The following IL10RB variants were observed in gnomAD, a reference collection of about 807,000 sequenced individuals.
IL10RB encodes interleukin 10 receptor subunit beta.
A neutral mutation model predicts 38.7 loss-of-function variants in IL10RB; 30 were observed. The ratio of observed to expected loss-of-function variants is 0.78; its 90% CI spans 0.58 to 1.05. The LOEUF (loss-of-function observed/expected upper bound fraction) is 1.05, where lower values mean the gene tolerates loss of function less well. Ranked by LOEUF, IL10RB falls within the 50% of genes least tolerant of loss-of-function variation. IL10RB has a pLI of 0.00. For missense variants in IL10RB, 328 were observed against 397.1 expected, an observed-to-expected ratio of 0.83 and a Z score of 1.48; for synonymous variants, 142 against 145.9, an observed-to-expected ratio of 0.97 and a Z score of 0.19.
intron 6 of IL10RB, among the ~76,000 whole-genome samples, chr21:33,291,137 C>T (rs8178539): frequency 3.3e-5 from 5 of 152,198 alleles, no homozygotes; most frequent in African/African-American, 1.2e-4. Context: ...CTCCTTTATA[C>T]AGACACCAGT....
intron 1 of IL10RB, 50 bp from the exon 2 acceptor site, chr21:33,268,344 C>T: frequency 3.1e-6 from 5 of 1,613,094 alleles, no homozygotes; most frequent in Non-Finnish European, 4.2e-6. Flanking sequence ...TTTTCATGGG[C>T]ATCTGTTTTG....
downstream of IL10RB, among the ~76,000 whole-genome samples, chr21:33,299,662 G>T (rs758966785): frequency 2.6e-5 from 4 of 152,164 alleles, no homozygotes; most frequent in Non-Finnish European, 4.4e-5. Flanking sequence ...CACTGTGGCC[G>T]CCAGGAGAGC....
chr21:33,302,752 C>T (rs1207159977), intron 1 of IL10RB, among the ~76,000 whole-genome samples: 1 of 151,990 alleles, frequency 6.6e-6, no homozygotes, highest in African/African-American at 2.4e-5. Flanking sequence ...AGAAGAAAGT[C>T]GAGGGGGGGA....
intron 5 of IL10RB, among the ~76,000 whole-genome samples, chr21:33,285,376 G>A (rs28385662): frequency 0.021 from 3,163 of 152,294 alleles, 50 homozygotes; most frequent in Non-Finnish European, 0.034. Flanking sequence ...CTGAGGCACC[G>A]TGTCCTTGTG....
chr21:33,298,166 A>G (rs8178571), downstream of IL10RB, among the ~76,000 whole-genome samples: 8,651 of 152,236 alleles, frequency 0.057, 854 homozygotes, highest in African/African-American at 0.2. Context: ...TTTAAATGTT[A>G]ATCTCATCTT....
chr21:33,298,343 G>C (rs117206980), downstream of IL10RB, among the ~76,000 whole-genome samples: 1,000 of 152,210 alleles, frequency 6.6e-3, 4 homozygotes, highest in Non-Finnish European at 9.3e-3. Flanking sequence ...GCCGGGTGTG[G>C]TGGCTCACAT....
chr21:33,298,059 C>T (rs1397123775), downstream of IL10RB, among the ~76,000 whole-genome samples: 4 of 152,164 alleles, frequency 2.6e-5, no homozygotes, highest in Admixed American at 6.5e-5. Flanking sequence ...CTCAAGGGAC[C>T]TCAGGCTTCT....
rs760719286 is a variant in IL10RB at position 33,296,237 on chromosome 21, G to A, written c.858G>A (p.Ser286=). 11 of 1,613,770 alleles carry A rather than the reference G, an allele frequency of 6.8e-6. No individual in the cohort carries two copies. The Middle Eastern group carries it at 4.9e-4, about 72-fold the overall frequency. Residue 286 remains serine, a synonymous_variant, in exon 7 of 7, where the codon TCG becomes TCA. Coordinates refer to ENST00000290200, the MANE Select transcript of IL10RB (RefSeq NM_000628.5). ...TTCTGTTTTTCTCCTTTCCATTGTC[G>A]GATGAGAATGATGTTTTTGACAAGC... ...NTLLFFSFPL[S]DENDVFDKLS...
At position 33,284,313 on chromosome 21, in the gene IL10RB, GA is replaced by G. The variant is rs1275580789; in HGVS notation, c.646+1076del. ...CCCTGCCTCAAAAAAAAAAAAAAAA[GA>G]AAAGAAAACATTTCAAATAGCTTGC... On this transcript the variant is annotated intron_variant, in intron 5 of 6. Coordinates refer to ENST00000290200, the MANE Select transcript of IL10RB (RefSeq NM_000628.5). Among the ~76,000 whole-genome samples, 55 of 78,804 alleles carry G rather than the reference GA, an allele frequency of 7.0e-4. 1 individual carries two copies. The highest frequency in any genetic ancestry group is 2.4e-4 in the Non-Finnish European group (8 of 33,062). 51.7% of individuals were successfully genotyped at this position (78,804 alleles called of 152,430 possible).
At chr21:33,276,147 G>A (rs1989166126) in intron 2 of IL10RB, among the ~76,000 whole-genome samples, 1 of 152,122 alleles carries the variant, frequency 6.6e-6, no homozygotes, top group Non-Finnish European at 1.5e-5. Context: ...AATGAGGTAT[G>A]TCTACATCTA....
intron 1 of IL10RB, among the ~76,000 whole-genome samples, chr21:33,305,400 T>C (rs1231238167): frequency 1.3e-5 from 2 of 151,928 alleles, no homozygotes; most frequent in Non-Finnish European, 2.9e-5. Flanking sequence ...ATGAGCCCCA[T>C]GCCCGGCCCT....
intron 2 of IL10RB, among the ~76,000 whole-genome samples, chr21:33,271,586 G>A (rs1989081607): frequency 6.6e-6 from 1 of 151,798 alleles, no homozygotes; most frequent in Admixed American, 6.6e-5. Context: ...AAATTAGCCG[G>A]GTATGGTGGT....
In IL10RB at chr21:33,296,201, TCATAACA is replaced by T. The variant is rs2082965085; in HGVS notation, c.825_831del (p.Asn276PhefsTer18). ...CTCCACAGTTTTTGGGCCATCCTCA[TCATAACA>T]CACTTCTGTTTTTCTCCTTTCCATT... On this transcript the variant is annotated frameshift_variant, in exon 7 of 7. Transcript: ENST00000290200. LOFTEE classifies it high-confidence loss of function. The T allele has an allele frequency of 9.3e-6, 15 of 1,614,072 alleles. No individual in the cohort carries two copies. Among genetic ancestry groups the T allele is most frequent in the Non-Finnish European group, 1.2e-5 (14 of 1,179,900 alleles).
downstream of IL10RB, among the ~76,000 whole-genome samples, chr21:33,299,537 T>C (rs1354389757): frequency 2.0e-5 from 3 of 152,186 alleles, no homozygotes; most frequent in African/African-American, 4.8e-5. Flanking sequence ...TCACTTCCTT[T>C]TGGGGCTCCT....
Position 33,276,712 on chromosome 21 carries a change from A to C in IL10RB, c.290A>C (p.His97Pro). 2 of 1,614,130 alleles carry C rather than the reference A, an allele frequency of 1.2e-6. No individual in the cohort carries two copies. Among genetic ancestry groups the C allele is most frequent in the Non-Finnish European group, 1.7e-6 (2 of 1,179,966 alleles). The change falls in exon 3 of 7, where the codon CAT becomes CCT. Residue 97 changes from histidine (H) to proline (P), a missense_variant. Physicochemically the swap from His to Pro is moderately conservative, Grantham distance 77. Coordinates refer to ENST00000290200, the MANE Select transcript of IL10RB (RefSeq NM_000628.5). ...LRVRAEFADE[H>P]SDWVNITFCP... ...GTCAGGGCTGAATTTGCAGATGAGC[A>C]TTCAGACTGGGTAAACATCACCTTC...
intron 2 of IL10RB, among the ~76,000 whole-genome samples, chr21:33,274,596 T>A (rs1468944557): frequency 6.6e-6 from 1 of 152,212 alleles, no homozygotes; most frequent in Non-Finnish European, 1.5e-5. Context: ...TAAATCTCCA[T>A]CAGAGTTCTT....
chr21:33,289,513 C>G (rs1292907225), intron 6 of IL10RB, among the ~76,000 whole-genome samples: 2 of 152,210 alleles, frequency 1.3e-5, no homozygotes, highest in East Asian at 3.9e-4. Flanking sequence ...ATTGGGTGAC[C>G]CAGCCCTCAT....
At chr21:33,268,313 A>G in intron 1 of IL10RB, 81 bp from the exon 2 acceptor site, 1 of 1,603,394 alleles carries the variant, frequency 6.2e-7, no homozygotes, top group Non-Finnish European at 8.5e-7. Context: ...ATAGAGGAGA[A>G]CCAAGTGCTG....
intron 2 of IL10RB, among the ~76,000 whole-genome samples, chr21:33,273,977 T>C (rs1427427605): frequency 6.6e-6 from 1 of 152,158 alleles, no homozygotes; most frequent in Non-Finnish European, 1.5e-5. Flanking sequence ...CTTAAAGTCA[T>C]CTATGAGGGT....
Sources: allele counts gnomAD v4.1 joint callset (sites outside exome capture counted in the v4.1 genomes callset), GRCh38; gene constraint gnomAD v4.1.1; transcripts MANE v1.5; gene names NCBI Gene and HGNC (gene_info 2026-07-23, HGNC 2026-07-21).